CAMK1D: variants seen among roughly 807,000 people sequenced by gnomAD.
The protein encoded by CAMK1D is calcium/calmodulin dependent protein kinase ID, also known as calcium/calmodulin-dependent protein kinase type 1D.
In CAMK1D, 9 loss-of-function variants were observed where a neutral mutation model predicts 47.7. That is an observed-to-expected ratio of 0.19 (90% CI 0.11 to 0.33). The LOEUF is 0.33. Among genes scored for constraint, CAMK1D ranks in the 10% least tolerant of loss-of-function variants. The probability of loss-of-function intolerance (pLI) is 1.00; values close to 1 mark genes in which losing one functional copy is unlikely to be tolerated. For missense variants in CAMK1D, 291 were observed against 488.7 expected, an observed-to-expected ratio of 0.60 and a Z score of 3.81; for synonymous variants, 184 against 184.9, an observed-to-expected ratio of 0.99 and a Z score of 0.04.
intron 5 of CAMK1D, 141 bp downstream of exon 5, chr10:12,769,940 A>AAGTG: frequency 1.2e-6 from 1 of 866,308 alleles, no homozygotes; most frequent in Non-Finnish European, 1.8e-6. Flanking sequence ...CCCCTGGGGG[A>AAGTG]AAGAATAAAA....
chr10:12,553,163 T>C (rs1168737333), intron 1 of CAMK1D, 62 bp from the exon 2 acceptor site: 3 of 1,609,640 alleles, frequency 1.9e-6, no homozygotes, highest in Non-Finnish European at 2.5e-6. Flanking sequence ...GTAGGGTGAA[T>C]GGAGCCATTG....
intron 1 of CAMK1D, among the ~76,000 whole-genome samples, chr10:12,454,876 C>G (rs1376851444): frequency 6.6e-6 from 1 of 152,216 alleles, no homozygotes; most frequent in Non-Finnish European, 1.5e-5. Flanking sequence ...TGACAGTTAG[C>G]TGTTCTCCTA....
At chr10:12,536,498 C>T (rs1056479218) in intron 1 of CAMK1D, among the ~76,000 whole-genome samples, 2 of 152,102 alleles carry the variant, frequency 1.3e-5, no homozygotes, top group South Asian at 2.1e-4. Flanking sequence ...AGGCTGGCCT[C>T]GCTCTCCTGA....
chr10:12,576,230 A>G (rs1837485244), intron 2 of CAMK1D, among the ~76,000 whole-genome samples: 2 of 152,284 alleles, frequency 1.3e-5, no homozygotes, highest in African/African-American at 4.8e-5. Flanking sequence ...TATCTCTGTT[A>G]TAATTTATAA....
At chr10:12,594,174 G>A (rs1284700417) in intron 2 of CAMK1D, among the ~76,000 whole-genome samples, 2 of 152,194 alleles carry the variant, frequency 1.3e-5, no homozygotes, top group African/African-American at 4.8e-5. Context: ...GTGAAGTTCT[G>A]TCATTATAAG....
intron 3 of CAMK1D, among the ~76,000 whole-genome samples, chr10:12,671,953 T>C (rs890571348): frequency 6.7e-6 from 1 of 149,492 alleles, no homozygotes; most frequent in African/African-American, 2.5e-5. Flanking sequence ...TCTCAGTCTG[T>C]CGCCCAGGCT....
intron 1 of CAMK1D, among the ~76,000 whole-genome samples, chr10:12,456,918 C>G (rs1833265669): frequency 6.6e-6 from 1 of 152,090 alleles, no homozygotes; most frequent in African/African-American, 2.4e-5. Flanking sequence ...GGAATCTTTA[C>G]TGCAGATACA....
intron 1 of CAMK1D, among the ~76,000 whole-genome samples, chr10:12,354,839 A>AC (rs1837460169): frequency 9.6e-6 from 1 of 104,420 alleles, no homozygotes; most frequent in Admixed American, 1.3e-4. Flanking sequence ...GTTTGGAGGA[A>AC]AATTTTTTTT....
At chr10:12,502,736 C>T (rs974591093) in intron 1 of CAMK1D, among the ~76,000 whole-genome samples, 3 of 152,126 alleles carry the variant, frequency 2.0e-5, no homozygotes, top group Admixed American at 1.3e-4. Flanking sequence ...GCAGTGGGGG[C>T]GTGGAGAGAG....
At chr10:12,471,991 C>T (rs888099723) in intron 1 of CAMK1D, among the ~76,000 whole-genome samples, 1 of 147,214 alleles carries the variant, frequency 6.8e-6, no homozygotes, top group Admixed American at 6.9e-5. Context: ...GCTATGATTG[C>T]ACCATTGCAC....
chr10:12,576,616 A>C (rs1433294094), intron 2 of CAMK1D, among the ~76,000 whole-genome samples: 3 of 152,170 alleles, frequency 2.0e-5, no homozygotes, highest in Admixed American at 6.5e-5. Flanking sequence ...TTAGATTTTC[A>C]TAAGGAACAC....
intron 2 of CAMK1D, among the ~76,000 whole-genome samples, chr10:12,640,060 A>G (rs117475081): frequency 0.015 from 2,307 of 152,300 alleles, 28 homozygotes; most frequent in Non-Finnish European, 0.023. Flanking sequence ...GAAGACAGAA[A>G]CTGACAGATG....
intron 3 of CAMK1D, among the ~76,000 whole-genome samples, chr10:12,714,625 A>G (rs1426466437): frequency 6.6e-6 from 1 of 152,156 alleles, no homozygotes; most frequent in Non-Finnish European, 1.5e-5. Context: ...AGGCTGAGGC[A>G]GGAGAATTGC....
chr10:12,608,380 T>C (rs11257916), intron 2 of CAMK1D, among the ~76,000 whole-genome samples: 13,344 of 152,314 alleles, frequency 0.088, 619 homozygotes, highest in Admixed American at 0.14. Flanking sequence ...ATTGTGCCAT[T>C]ATAATCCAGC....
intron 1 of CAMK1D, among the ~76,000 whole-genome samples, chr10:12,435,440 C>A (rs1832605340): frequency 6.6e-6 from 1 of 151,960 alleles, no homozygotes. Context: ...TTGGAAGGGC[C>A]TCCTGTAGAT....
At chr10:12,816,168 C>T (rs1450609622) in intron 7 of CAMK1D, 82 bp from the exon 8 acceptor site, 3 of 1,085,658 alleles carry the variant, frequency 2.8e-6, no homozygotes, top group Admixed American at 3.7e-5. Flanking sequence ...TACACACGCT[C>T]CTCCTGAAGA....
At chr10:12,392,403 C>G (rs959403080) in intron 1 of CAMK1D, among the ~76,000 whole-genome samples, 1 of 152,096 alleles carries the variant, frequency 6.6e-6, no homozygotes, top group Non-Finnish European at 1.5e-5. Flanking sequence ...TACCATTCTA[C>G]TTTGTTCCTG....
intron 7 of CAMK1D, among the ~76,000 whole-genome samples, chr10:12,814,539 C>T (rs540272594): frequency 7.2e-4 from 109 of 152,260 alleles, no homozygotes; most frequent in African/African-American, 2.6e-3. Context: ...GCACATTGAG[C>T]ATCTGGTGAG....
intron 1 of CAMK1D, among the ~76,000 whole-genome samples, chr10:12,539,749 G>T (rs1228336019): frequency 6.6e-6 from 1 of 152,154 alleles, no homozygotes; most frequent in Non-Finnish European, 1.5e-5. Flanking sequence ...GAACAAAGGG[G>T]GTATCCTGGG....
Sources: allele counts gnomAD v4.1 joint callset (sites outside exome capture counted in the v4.1 genomes callset), GRCh38; gene constraint gnomAD v4.1.1; transcripts MANE v1.5; gene names NCBI Gene and HGNC (gene_info 2026-07-23, HGNC 2026-07-21).